N4BP1: variants seen among roughly 807,000 people sequenced by gnomAD.
N4BP1 encodes the protein NEDD4-binding protein 1.
Under a neutral mutation model 70.9 loss-of-function variants are expected in N4BP1, and 21 were observed. The ratio of observed to expected loss-of-function variants is 0.30; its 90% CI spans 0.21 to 0.43. The LOEUF (loss-of-function observed/expected upper bound fraction) is 0.43. Ranked by LOEUF, N4BP1 falls within the 20% of genes least tolerant of loss-of-function variation. The pLI is 1.00. For missense variants in N4BP1, 936 were observed against 1,069.4 expected (o/e 0.88, Z 1.74); for synonymous variants, 387 against 394.6 (o/e 0.98, Z 0.23).
In N4BP1 at chr16:48,542,949, T is replaced by C. The variant is rs773889180; in HGVS notation, c.2646A>G (p.Pro882=). The C allele has an allele frequency of 1.9e-6, 3 of 1,613,592 alleles. No homozygotes were observed. Among genetic ancestry groups the C allele is most frequent in the Non-Finnish European group, 2.5e-6 (3 of 1,179,556 alleles). Residue 882 remains proline (P), a synonymous_variant, in exon 7 of 7, where the codon CCA becomes CCG. Coordinates refer to ENST00000262384, the MANE Select transcript of N4BP1 (RefSeq NM_153029.4). ...LKIDQILVAH[P]YMKDLNALSA... ...AAAGCGCATTTAGATCTTTCATGTA[T>C]GGGTGGGCCACCAAGATCTGGTCTA...
intron 4 of N4BP1, 47 bp from the exon 5 acceptor site, chr16:48,548,161 C>A: frequency 9.6e-7 from 1 of 1,037,792 alleles, no homozygotes; most frequent in Admixed American, 1.8e-5. Context: ...GCATCCTTGG[C>A]TCAGAGAAGC....
intron 1 of N4BP1, among the ~76,000 whole-genome samples, chr16:48,572,015 C>G (rs1441339698): frequency 6.6e-6 from 1 of 151,970 alleles, no homozygotes; most frequent in Admixed American, 6.6e-5. Context: ...GCCTGGGCAA[C>G]ATGGAGAAAC....
chr16:48,553,597 G>C lies in N4BP1; in HGVS notation c.1962C>G (p.Asn654Lys). 1 of 1,607,890 alleles carries C rather than the reference G, an allele frequency of 6.2e-7. No homozygotes were observed. Among genetic ancestry groups the C allele is most frequent in the Non-Finnish European group, 8.5e-7 (1 of 1,177,370 alleles). The stretch of plus-strand genomic sequence containing the variant: ...GAGGGACAAATACAGTGATGTTTCT[G>C]TTGCCAAGCTTCCAAAAATATTCAA... ...IAVEYFWKLGNRNITVFVPQW... is the reference protein window; with the variant it reads ...IAVEYFWKLGKRNITVFVPQW... Residue 654 changes from asparagine to lysine, a missense_variant, in exon 3 of 7, where the codon AAC (asparagine) becomes AAG (lysine). Asn to Lys is a moderately conservative substitution (Grantham distance 94). This residue lies in a region of N4BP1 where 229 missense variants were observed against 343.5 expected (regional missense o/e 0.67). Coordinates refer to ENST00000262384, the MANE Select transcript of N4BP1 (RefSeq NM_153029.4).
rs1401679711 is a variant in N4BP1 at position 48,541,858 on chromosome 16, G to A, written c.*1046C>T. The A allele has an allele frequency of 6.6e-6, 1 of 152,508 alleles. No homozygotes were observed. The highest frequency in any genetic ancestry group is 1.5e-5 in the Non-Finnish European group (1 of 68,020). 9.4% of individuals were successfully genotyped at this position (152,508 alleles called of 1,614,324 possible). On this transcript the variant is annotated 3_prime_UTR_variant, in exon 7 of 7. Coordinates refer to ENST00000262384, the MANE Select transcript of N4BP1 (RefSeq NM_153029.4). ...CAAACACAGGGAAAATAAATACAGG[G>A]GCTCTGGGATCCCCCCACAGAAGCT...
intron 1 of N4BP1, among the ~76,000 whole-genome samples, chr16:48,607,706 G>A (rs952064832): frequency 2.0e-5 from 3 of 152,216 alleles, no homozygotes; most frequent in African/African-American, 7.2e-5. Flanking sequence ...ATCATGTCAA[G>A]CTTTTAAGCC....
chr16:48,556,815 G>A (rs983253284), intron 2 of N4BP1, among the ~76,000 whole-genome samples: 1 of 152,070 alleles, frequency 6.6e-6, no homozygotes, highest in African/African-American at 2.4e-5. Flanking sequence ...ACCCTAATAT[G>A]GAAAAGACTA....
In N4BP1 at chr16:48,562,057, G is replaced by A; in HGVS notation, c.586C>T (p.Leu196Phe). The A allele has an allele frequency of 1.2e-6, 2 of 1,613,844 alleles. No homozygotes were observed. Among genetic ancestry groups the A allele is most frequent in the Non-Finnish European group, 1.7e-6 (2 of 1,179,860 alleles). The change falls in exon 2 of 7, where the codon CTC (leucine) becomes TTC (phenylalanine). Residue 196 changes from leucine (L) to phenylalanine (F), a missense_variant. Physicochemically the swap from Leu to Phe is conservative, Grantham distance 22. Coordinates refer to ENST00000262384, the MANE Select transcript of N4BP1 (RefSeq NM_153029.4). ...LLTLTQGEEN[L>F]FETGDDEVIE... ...ACCTCATCATCTCCTGTTTCAAAGA[G>A]ATTCTCCTCACCTTGTGTGAGTGTC... is the stretch of plus-strand genomic sequence containing the variant.
intron 1 of N4BP1, among the ~76,000 whole-genome samples, chr16:48,594,279 C>T (rs1270138122): frequency 2.0e-5 from 3 of 152,152 alleles, no homozygotes; most frequent in Admixed American, 6.5e-5. Flanking sequence ...AAAGGTTTTT[C>T]CTGTTTTAAA....
rs1963450071 is a variant in N4BP1 at position 48,539,162 on chromosome 16, G to A, written c.*3742C>T. The stretch of plus-strand genomic sequence containing the variant: ...TAAGCTCAGGAGATGTGAACTTTGT[G>A]GTCTGGTCAAACAGCCACTGCAGAT... On this transcript the variant is annotated 3_prime_UTR_variant, in exon 7 of 7. Coordinates refer to ENST00000262384, the MANE Select transcript of N4BP1 (RefSeq NM_153029.4). 2 of 152,242 alleles carry A rather than the reference G, an allele frequency of 1.3e-5. No individual in the cohort carries two copies. Among genetic ancestry groups the A allele is most frequent in the African/African-American group, 4.8e-5 (2 of 41,434 alleles). 9.4% of individuals were successfully genotyped at this position (152,242 alleles called of 1,614,324 possible).
chr16:48,599,136 T>C lies in N4BP1; in HGVS notation c.198+10639A>G, dbSNP rs557822663. On this transcript the variant is annotated intron_variant, in intron 1 of 6. Coordinates refer to ENST00000262384, the MANE Select transcript of N4BP1 (RefSeq NM_153029.4). Reference sequence around the variant, plus strand: ...GGAGAACTGGTATATCTGAGTCGTATACTGGTATAATAACTATAATTTTTT... The same window carrying C: ...GGAGAACTGGTATATCTGAGTCGTACACTGGTATAATAACTATAATTTTTT... Among the ~76,000 whole-genome samples, 6 of 152,288 alleles carry C rather than the reference T, an allele frequency of 3.9e-5. No homozygotes were observed. The East Asian group carries it at 9.6e-4, about 24-fold the overall frequency.
At chr16:48,555,846 G>A (rs1417914727) in intron 2 of N4BP1, among the ~76,000 whole-genome samples, 1 of 152,162 alleles carries the variant, frequency 6.6e-6, no homozygotes, top group Non-Finnish European at 1.5e-5. Flanking sequence ...TCCTCAAAAG[G>A]ATAACCCTTG....
At chr16:48,565,499 A>G (rs1392717145) in intron 1 of N4BP1, among the ~76,000 whole-genome samples, 3 of 152,164 alleles carry the variant, frequency 2.0e-5, no homozygotes, top group African/African-American at 7.2e-5. Flanking sequence ...TAACCCCTAC[A>G]TGATTATGGT....
At chr16:48,601,592 G>A (rs1473882570) in intron 1 of N4BP1, among the ~76,000 whole-genome samples, 4 of 152,134 alleles carry the variant, frequency 2.6e-5, no homozygotes, top group African/African-American at 9.7e-5. Context: ...ACTTTCAGAC[G>A]TGGATTTATT....
intron 1 of N4BP1, among the ~76,000 whole-genome samples, chr16:48,573,154 G>T (rs1213414880): frequency 6.6e-6 from 1 of 150,480 alleles, no homozygotes; most frequent in East Asian, 1.9e-4. Context: ...AAAATTAAAA[G>T]TTGTACCAAA....
Position 48,551,494 on chromosome 16 carries a change from A to G in N4BP1, c.2021-12T>C, listed in dbSNP as rs777954697. 3 of 1,578,254 alleles carry G rather than the reference A, an allele frequency of 1.9e-6. No homozygotes were observed. Among genetic ancestry groups the G allele is most frequent in the Non-Finnish European group, 2.6e-6 (3 of 1,150,916 alleles). On this transcript the variant is annotated splice_polypyrimidine_tract_variant and intron_variant, in intron 3 of 6. Coordinates refer to ENST00000262384, the MANE Select transcript of N4BP1 (RefSeq NM_153029.4). ...TAAGAAGTGCTGTTCTGTTCATGGA[A>G]TAAGTTGAATATACATTCAGAAAAG...
At chr16:48,579,099 C>T (rs1273278143) in intron 1 of N4BP1, among the ~76,000 whole-genome samples, 1 of 152,152 alleles carries the variant, frequency 6.6e-6, no homozygotes, top group African/African-American at 2.4e-5. Context: ...GCCAGAAAAG[C>T]TACTAAATAT....
chr16:48,580,086 G>C (rs544401949), intron 1 of N4BP1, among the ~76,000 whole-genome samples: 1 of 152,078 alleles, frequency 6.6e-6, no homozygotes, highest in African/African-American at 2.4e-5. Context: ...ATTAAGATTA[G>C]ATTAGAAATA....
Position 48,562,355 on chromosome 16 carries a change from G to A in N4BP1, c.288C>T (p.Ser96=). The change falls in exon 2 of 7, where the codon AGC becomes AGT. Residue 96 remains serine, a synonymous_variant. Coordinates refer to ENST00000262384, the MANE Select transcript of N4BP1 (RefSeq NM_153029.4). The stretch of plus-strand genomic sequence containing the variant: ...CCTGAATCAAGCTTTTCAGAAACAG[G>A]CTCTCTGCCCCAACAAAAATGCAGT... ...DMHCIFVGAE[S]LFLKSLIQDT... 3 of 1,613,774 alleles carry A rather than the reference G, an allele frequency of 1.9e-6. No homozygotes were observed. The highest frequency in any genetic ancestry group is 1.7e-6 in the Non-Finnish European group (2 of 1,179,810).
At chr16:48,571,524 A>C (rs926940859) in intron 1 of N4BP1, among the ~76,000 whole-genome samples, 14 of 152,250 alleles carry the variant, frequency 9.2e-5, no homozygotes, top group Non-Finnish European at 2.1e-4. Context: ...GAAACTAGGT[A>C]ATGCAGGTCA....
Sources: allele counts gnomAD v4.1 joint callset (sites outside exome capture counted in the v4.1 genomes callset), GRCh38; gene constraint gnomAD v4.1.1; regional missense constraint gnomAD v4.1.1; transcripts MANE v1.5; gene names NCBI Gene and HGNC (gene_info 2026-07-23, HGNC 2026-07-21).